Variants in EBF2 observed in about 807,000 individuals in gnomAD.
EBF2 encodes the protein transcription factor COE2.
EBF2 carries 21 observed loss-of-function variants against 72.8 expected under a neutral mutation model. That is an observed-to-expected ratio of 0.29 (90% CI 0.20 to 0.42). EBF2 has a LOEUF of 0.42. Among genes scored for constraint, EBF2 ranks in the 10% least tolerant of loss-of-function variants. The pLI is 1.00. For synonymous variants in EBF2, 299 were observed against 274.2 expected (o/e 1.09, Z -0.89); for missense variants, 637 against 731.2 (o/e 0.87, Z 1.49).
intron 4 of EBF2, 121 bp downstream of exon 4, chr8:26,040,495 G>A: frequency 2.3e-6 from 2 of 882,894 alleles, no homozygotes; most frequent in Non-Finnish European, 3.5e-6. Flanking sequence ...GGGGGACGTG[G>A]AGGGGGCTGT....
intron 14 of EBF2, among the ~76,000 whole-genome samples, chr8:25,857,789 G>T (rs1420305532): frequency 1.3e-5 from 2 of 152,184 alleles, no homozygotes; most frequent in Non-Finnish European, 2.9e-5. Context: ...AAACCAGGTT[G>T]CAAAGTCAAA....
chr8:25,925,344 G>C (rs574135702), intron 6 of EBF2, among the ~76,000 whole-genome samples: 31 of 152,158 alleles, frequency 2.0e-4, no homozygotes, highest in South Asian at 1.3e-3. Context: ...AGTGACTTGT[G>C]AGGACAAAAA....
chr8:25,878,338 A>G (rs1236350824), intron 10 of EBF2, among the ~76,000 whole-genome samples: 2 of 152,324 alleles, frequency 1.3e-5, no homozygotes, highest in African/African-American at 4.8e-5. Context: ...TGCGTGGGTC[A>G]GTGCTTCAGG....
intron 10 of EBF2, among the ~76,000 whole-genome samples, chr8:25,880,890 A>T (rs949497769): frequency 5.8e-4 from 88 of 151,720 alleles, no homozygotes; most frequent in African/African-American, 2.0e-3. Flanking sequence ...GTTATATCTT[A>T]AAAAAAAATC....
At chr8:25,853,198 TTAGAGGTTCACAAGA>T (rs1802018136) in intron 14 of EBF2, among the ~76,000 whole-genome samples, 1 of 152,088 alleles carries the variant, frequency 6.6e-6, no homozygotes, top group Non-Finnish European at 1.5e-5. Flanking sequence ...GTTAGGATGG[TTAGAGGTTCACAAGA>T]TAGATTTGCC....
intron 10 of EBF2, among the ~76,000 whole-genome samples, chr8:25,867,647 T>A (rs1802357206): frequency 6.6e-6 from 1 of 152,232 alleles, no homozygotes; most frequent in East Asian, 1.9e-4. Context: ...CTCCATGATT[T>A]CCACATGCAG....
At chr8:26,043,767 G>A (rs1361887452) in intron 1 of EBF2, among the ~76,000 whole-genome samples, 6 of 152,190 alleles carry the variant, frequency 3.9e-5, no homozygotes, top group African/African-American at 1.2e-4. Context: ...GGGGAAGCGA[G>A]GGTAGTGGAA....
chr8:26,022,612 T>A (rs972708021), intron 6 of EBF2, among the ~76,000 whole-genome samples: 1 of 152,206 alleles, frequency 6.6e-6, no homozygotes, highest in Non-Finnish European at 1.5e-5. Context: ...TGTCATCACA[T>A]CCGTGGAGTT....
At chr8:25,915,959 T>C (rs1025571190) in intron 6 of EBF2, among the ~76,000 whole-genome samples, 9 of 152,132 alleles carry the variant, frequency 5.9e-5, no homozygotes, top group Non-Finnish European at 1.2e-4. Context: ...TGATTCAATT[T>C]TTACTGTAAA....
At position 25,850,433 on chromosome 8, in the gene EBF2, A is replaced by C. The variant is rs186559317; in HGVS notation, c.1696+161T>G. On this transcript the variant is annotated intron_variant, in intron 15 of 15. Coordinates refer to ENST00000520164, the MANE Select transcript of EBF2 (RefSeq NM_022659.4). The stretch of plus-strand genomic sequence containing the variant: ...CTGGCCCCATCTTGCTTTTAGATGG[A>C]GCACTTGCCTAGCTGTAGAAGCCAT... Among the ~76,000 whole-genome samples, 203 of 152,274 alleles carry C rather than the reference A, an allele frequency of 1.3e-3. 2 individuals carry two copies. Among genetic ancestry groups the C allele is most frequent in the African/African-American group, 4.7e-3 (194 of 41,556 alleles).
intron 14 of EBF2, among the ~76,000 whole-genome samples, chr8:25,854,236 T>G (rs892442355): frequency 2.5e-5 from 2 of 80,860 alleles, no homozygotes; most frequent in East Asian, 5.1e-4. Flanking sequence ...AACCCCCACC[T>G]CCAAAAAAAA....
intron 14 of EBF2, among the ~76,000 whole-genome samples, chr8:25,853,365 TAAGCA>T (rs1475940369): frequency 6.6e-6 from 1 of 151,260 alleles, no homozygotes; most frequent in African/African-American, 2.4e-5. Flanking sequence ...AAGAGAAAAA[TAAGCA>T]AAGGACACAA....
chr8:25,856,050 C>T (rs567380794), intron 14 of EBF2, among the ~76,000 whole-genome samples: 19 of 152,200 alleles, frequency 1.2e-4, no homozygotes, highest in Admixed American at 9.8e-4. Flanking sequence ...AGAAGGAAGT[C>T]GTCACTGGTG....
At position 25,877,786 on chromosome 8, in the gene EBF2, C is replaced by T. The variant is rs370866027; in HGVS notation, c.1009+8969G>A. On this transcript the variant is annotated intron_variant, in intron 10 of 15. Coordinates refer to ENST00000520164, the MANE Select transcript of EBF2 (RefSeq NM_022659.4). ...ACACTACTATTGTGTTCCTGGTGAA[C>T]GGACCCAGTCTCGTAAGAACCCTCC... Among the ~76,000 whole-genome samples, 736 of 152,236 alleles carry T rather than the reference C, an allele frequency of 4.8e-3. 5 individuals carry two copies. The highest frequency in any genetic ancestry group is 0.016 in the African/African-American group (684 of 41,530).
intron 6 of EBF2, among the ~76,000 whole-genome samples, chr8:25,910,777 G>C (rs1163183042): frequency 6.6e-6 from 1 of 152,066 alleles, no homozygotes; most frequent in Non-Finnish European, 1.5e-5. Context: ...TGAGGACTTA[G>C]CACTGGGTTC....
chr8:25,931,114 T>C (rs75988222), intron 6 of EBF2, among the ~76,000 whole-genome samples: 4,215 of 152,260 alleles, frequency 0.028, 90 homozygotes, highest in Non-Finnish European at 0.042. Context: ...CCATAGAAAC[T>C]TGGATGTTTT....
chr8:25,898,823 C>T (rs1802899258), intron 7 of EBF2, among the ~76,000 whole-genome samples: 1 of 152,152 alleles, frequency 6.6e-6, no homozygotes, highest in African/African-American at 2.4e-5. Flanking sequence ...AGGAACTATG[C>T]ACTCTTATTG....
At chr8:25,980,486 C>T (rs1804341542) in intron 6 of EBF2, among the ~76,000 whole-genome samples, 1 of 152,126 alleles carries the variant, frequency 6.6e-6, no homozygotes, top group African/African-American at 2.4e-5. Context: ...TTCCATTTCA[C>T]AAGGTCCCCC....
At chr8:25,917,696 G>A (rs1276704280) in intron 6 of EBF2, among the ~76,000 whole-genome samples, 1 of 152,124 alleles carries the variant, frequency 6.6e-6, no homozygotes, top group African/African-American at 2.4e-5. Context: ...GAAGTTATTA[G>A]TCAGCCATCA....
Sources: allele counts gnomAD v4.1 joint callset (sites outside exome capture counted in the v4.1 genomes callset), GRCh38; gene constraint gnomAD v4.1.1; transcripts MANE v1.5; gene names NCBI Gene and HGNC (gene_info 2026-07-23, HGNC 2026-07-21).